Variants in SH3RF2 observed in about 807,000 individuals in gnomAD.
SH3RF2 encodes the protein SH3 domain containing ring finger 2.
SH3RF2 carries 43 observed loss-of-function variants against 59.0 expected under a neutral mutation model. The ratio of observed to expected loss-of-function variants is 0.73; its 90% confidence interval spans 0.57 to 0.94. The LOEUF is 0.94. Among genes scored for constraint, SH3RF2 ranks in the 40% least tolerant of loss-of-function variants. SH3RF2 has a pLI of 0.00. For synonymous variants in SH3RF2, 391 were observed against 391.5 expected (o/e 1.00, Z 0.01); for missense variants, 930 against 940.1 (o/e 0.99, Z 0.14).
chr5:146,005,052 A>C (rs1007350529), intron 4 of SH3RF2, among the ~76,000 whole-genome samples: 1 of 152,194 alleles, frequency 6.6e-6, no homozygotes, highest in Non-Finnish European at 1.5e-5. Context: ...TTTTGTGATA[A>C]CTAGATGATG....
At chr5:145,986,876 G>A (rs1277853916) in intron 2 of SH3RF2, among the ~76,000 whole-genome samples, 1 of 152,188 alleles carries the variant, frequency 6.6e-6, no homozygotes, top group African/African-American at 2.4e-5. Context: ...CTCTGCCCAG[G>A]TGATGTAAAC....
At chr5:146,025,406 C>T (rs905101288) in intron 5 of SH3RF2, among the ~76,000 whole-genome samples, 50 of 152,218 alleles carry the variant, frequency 3.3e-4, no homozygotes, top group African/African-American at 1.2e-3. Flanking sequence ...GTCCAGGCCT[C>T]CTTGGCCCAC....
rs139130178 is a variant in SH3RF2 at position 146,041,335 on chromosome 5, G to C, written c.1060-6437G>C. ...AACACGCTCAGGCTTACACAGCATA[G>C]TTATAGGTGTCACTGAGTATGAGTA... On this transcript the variant is annotated intron_variant, in intron 5 of 9. Coordinates refer to ENST00000359120, the MANE Select transcript of SH3RF2 (RefSeq NM_152550.4). Among the ~76,000 whole-genome samples the C allele has an allele frequency of 1.2e-3, 190 of 152,266 alleles. 1 individual carries two copies. The East Asian group carries it at 0.016, about 13-fold the overall frequency.
intron 7 of SH3RF2, among the ~76,000 whole-genome samples, chr5:146,050,730 A>AC (rs1366684042): frequency 6.6e-6 from 1 of 152,216 alleles, no homozygotes; most frequent in East Asian, 1.9e-4. Flanking sequence ...AATTTTTAAA[A>AC]CCAAGATATT....
chr5:146,053,689 T>C (rs1252972436), intron 7 of SH3RF2, among the ~76,000 whole-genome samples: 1 of 152,182 alleles, frequency 6.6e-6, no homozygotes, highest in Non-Finnish European at 1.5e-5. Context: ...TCTACTCTTC[T>C]TCCTGTCCTC....
rs1728419560 is a variant in SH3RF2 at position 146,055,766 on chromosome 5, C to A, written c.1323-215C>A. On this transcript the variant is annotated intron_variant, in intron 7 of 9. Coordinates refer to ENST00000359120, the MANE Select transcript of SH3RF2 (RefSeq NM_152550.4). ...CTTGATATGAGCCCCCCTTCCTTCC[C>A]TCAGCACACCCTCACAGTTATCCGG... 3 of 591,994 alleles carry A rather than the reference C, an allele frequency of 5.1e-6. No individual in the cohort carries two copies. In the Admixed American group the frequency reaches 9.1e-5, roughly 18 times the overall value. The allele number at this position is 591,994 out of a possible 1,614,324, so 36.7% of individuals were successfully genotyped here. A position where few individuals can be genotyped will look rare whatever the true frequency, so the allele number is the denominator to read the frequency against.
intron 2 of SH3RF2, among the ~76,000 whole-genome samples, chr5:145,938,784 G>A (rs1757699899): frequency 6.6e-6 from 1 of 152,166 alleles, no homozygotes; most frequent in Non-Finnish European, 1.5e-5. Context: ...GTGCTATTAT[G>A]GCAATACTCA....
At chr5:146,025,581 T>C (rs1382191217) in intron 5 of SH3RF2, among the ~76,000 whole-genome samples, 9 of 152,246 alleles carry the variant, frequency 5.9e-5, no homozygotes, top group Non-Finnish European at 1.3e-4. Context: ...TATTTTCCTG[T>C]GTTCTGAAGA....
intron 2 of SH3RF2, among the ~76,000 whole-genome samples, chr5:145,954,801 G>T (rs1758329474): frequency 6.6e-6 from 1 of 152,134 alleles, no homozygotes; most frequent in African/African-American, 2.4e-5. Flanking sequence ...ACCTCAGGAA[G>T]CTTACAATCA....
intron 4 of SH3RF2, among the ~76,000 whole-genome samples, chr5:146,013,177 C>A (rs1760974224): frequency 6.6e-6 from 1 of 152,178 alleles, no homozygotes; most frequent in South Asian, 2.1e-4. Context: ...ACTCACTATT[C>A]CACAAACACT....
chr5:145,997,957 T>C (rs1447398164), intron 2 of SH3RF2: 10 of 785,620 alleles, frequency 1.3e-5, no homozygotes, highest in Non-Finnish European at 2.1e-5. Flanking sequence ...CCCAAGTTCA[T>C]GGATCACAGG....
At chr5:146,050,392 T>C (rs1252726127) in intron 7 of SH3RF2, among the ~76,000 whole-genome samples, 1 of 152,184 alleles carries the variant, frequency 6.6e-6, no homozygotes, top group Non-Finnish European at 1.5e-5. Flanking sequence ...GGTGAGGTGG[T>C]GGACTCTCTT....
Position 146,004,101 on chromosome 5 carries a change from C to T in SH3RF2, c.692C>T (p.Ala231Val). 6.2e-7 allele frequency: 1 copy of T among 1,613,026 alleles called. No individual in the cohort carries two copies. Among genetic ancestry groups the T allele is most frequent in the Non-Finnish European group, 8.5e-7 (1 of 1,179,192 alleles). Residue 231 changes from alanine (A) to valine (V), a missense_variant, in exon 4 of 10, where the codon GCA becomes GTA. Transcript: ENST00000359120. ...TVISRVDENWAEGKLGDKVGI... is the reference protein window; with the variant it reads ...TVISRVDENWVEGKLGDKVGI... Reference sequence around the variant, plus strand: ...ATCAGCCGAGTGGATGAGAACTGGGCAGAAGGCAAGTTAGGAGATAAAGTA... The same window carrying T: ...ATCAGCCGAGTGGATGAGAACTGGGTAGAAGGCAAGTTAGGAGATAAAGTA...
intron 2 of SH3RF2, among the ~76,000 whole-genome samples, chr5:145,987,095 GAAGAA>G (rs1394051934): frequency 3.3e-5 from 5 of 152,208 alleles, no homozygotes; most frequent in Non-Finnish European, 7.3e-5. Flanking sequence ...CCAAAGACTG[GAAGAA>G]GAGAGGCCAA....
chr5:146,064,743 G>GA (rs1348787005), downstream of SH3RF2, among the ~76,000 whole-genome samples: 13 of 7,428 alleles, frequency 1.8e-3, no homozygotes, highest in East Asian at 0.017. Flanking sequence ...AGGAAGGAAG[G>GA]AAGGAAGGAA....
At position 146,062,237 on chromosome 5, in the gene SH3RF2, A is replaced by G. The variant is rs932171130; in HGVS notation, c.1915-189A>G. 6.6e-5 allele frequency among the ~76,000 whole-genome samples: 10 copies of G among 152,312 alleles called. No individual in the cohort carries two copies. The East Asian group carries it at 1.9e-3, about 29-fold the overall frequency. On this transcript the variant is annotated intron_variant, in intron 9 of 9. Transcript: ENST00000359120. Reference sequence around the variant, plus strand: ...AGACTTCCCTGGCTTCTCCACTTCCAGCTGAAGTTAGATGCTCCTCTGCAT... The same window carrying G: ...AGACTTCCCTGGCTTCTCCACTTCCGGCTGAAGTTAGATGCTCCTCTGCAT...
chr5:146,020,032 A>G (rs952441269), intron 5 of SH3RF2, among the ~76,000 whole-genome samples: 7 of 152,128 alleles, frequency 4.6e-5, no homozygotes, highest in Admixed American at 1.3e-4. Context: ...TTCTAGGTAT[A>G]AGATCATCAG....
At chr5:145,983,780 A>C (rs1435104768) in intron 2 of SH3RF2, among the ~76,000 whole-genome samples, 1 of 152,250 alleles carries the variant, frequency 6.6e-6, no homozygotes, top group African/African-American at 2.4e-5. Context: ...TGTTGGAAAG[A>C]AAAAGTCTTC....
At chr5:146,012,918 C>T (rs1056537783) in intron 4 of SH3RF2, among the ~76,000 whole-genome samples, 1 of 151,982 alleles carries the variant, frequency 6.6e-6, no homozygotes, top group South Asian at 2.1e-4. Flanking sequence ...GTTGTTTAAC[C>T]ATTGGTGGCT....
Sources: allele counts gnomAD v4.1 joint callset (sites outside exome capture counted in the v4.1 genomes callset), GRCh38; gene constraint gnomAD v4.1.1; transcripts MANE v1.5; gene names NCBI Gene and HGNC (gene_info 2026-07-23, HGNC 2026-07-21).